CIT: variants seen among roughly 807,000 people sequenced by gnomAD.
The protein encoded by CIT is citron rho-interacting serine/threonine kinase.
Under a neutral mutation model 272.7 loss-of-function variants are expected in CIT, and 79 were observed. The ratio of observed to expected loss-of-function variants is 0.29; its 90% confidence interval spans 0.24 to 0.35. CIT has a LOEUF of 0.35. CIT is among the 10% of genes least tolerant of loss of function. The pLI, the probability that CIT is intolerant of heterozygous loss-of-function variation, is 1.00. For missense variants in CIT, 1,909 were observed against 2,618.3 expected, an observed-to-expected ratio of 0.73 and a Z score of 5.91; for synonymous variants, 948 against 995.6, an observed-to-expected ratio of 0.95 and a Z score of 0.90.
chr12:119,700,238 C>A (rs76005606), intron 44 of CIT, among the ~76,000 whole-genome samples: 3 of 152,218 alleles, frequency 2.0e-5, no homozygotes, highest in African/African-American at 7.2e-5. Context: ...GTGAATCTGG[C>A]GTAGGCAGCT....
chr12:119,865,833 G>A (rs892866091), intron 3 of CIT, among the ~76,000 whole-genome samples: 2 of 131,814 alleles, frequency 1.5e-5, no homozygotes, highest in Admixed American at 1.8e-4. Flanking sequence ...TTGTGCCACT[G>A]TACTCCAGCC....
At chr12:119,760,368 T>C (rs1470640727) in intron 20 of CIT, among the ~76,000 whole-genome samples, 1 of 151,524 alleles carries the variant, frequency 6.6e-6, no homozygotes, top group Non-Finnish European at 1.5e-5. Flanking sequence ...AGTGGTGGCC[T>C]GTAATCCCAG....
chr12:119,734,267 G>A lies in CIT; in HGVS notation c.3247C>T (p.Arg1083Trp), dbSNP rs770757019. ...ALNDELLEKE[R>W]QWEAWRSVLG... is the part of the protein sequence containing the mutation. ...ACGCTCCTCCAGGCCTCCCACTGCC[G>A]CTCTTTTTCTAGCAGCTCATCGTTT... Residue 1083 changes from arginine to tryptophan, a missense_variant, in exon 26 of 48, where the codon CGG (arginine) becomes TGG (tryptophan). Physicochemically the swap from Arg to Trp is moderately radical, Grantham distance 101. Coordinates refer to ENST00000392521, the MANE Select transcript of CIT (RefSeq NM_001206999.2). 2 of 1,613,622 alleles carry A rather than the reference G, an allele frequency of 1.2e-6. No individual in the cohort carries two copies. The highest frequency in any genetic ancestry group is 1.7e-6 in the Non-Finnish European group (2 of 1,179,960).
chr12:119,875,298 G>A (rs1950809792), intron 2 of CIT, among the ~76,000 whole-genome samples: 1 of 152,172 alleles, frequency 6.6e-6, no homozygotes, highest in African/African-American at 2.4e-5. Context: ...GCAAGACCCT[G>A]TCTTGCAAGC....
At chr12:119,747,400 A>AG in intron 23 of CIT, among the ~76,000 whole-genome samples, 1 of 147,036 alleles carries the variant, frequency 6.8e-6, no homozygotes, top group African/African-American at 2.5e-5. Context: ...CAGCCTGGGC[A>AG]ACAGAGGGAG....
intron 3 of CIT, among the ~76,000 whole-genome samples, chr12:119,859,437 G>A (rs1950267581): frequency 6.6e-6 from 1 of 152,142 alleles, no homozygotes; most frequent in South Asian, 2.1e-4. Flanking sequence ...CCATCAAAGG[G>A]AAAGCCATTT....
At chr12:119,873,840 A>G (rs963192190) in intron 2 of CIT, among the ~76,000 whole-genome samples, 1 of 152,132 alleles carries the variant, frequency 6.6e-6, no homozygotes, top group Non-Finnish European at 1.5e-5. Flanking sequence ...TATCCTACAT[A>G]ACTACCTTCC....
intron 22 of CIT, among the ~76,000 whole-genome samples, chr12:119,752,554 T>C (rs913530108): frequency 3.9e-5 from 6 of 152,222 alleles, no homozygotes; most frequent in African/African-American, 1.4e-4. Context: ...ATGAAAATGA[T>C]GATGATTACT....
At chr12:119,791,659 G>A (rs558987199) in intron 10 of CIT, among the ~76,000 whole-genome samples, 2 of 152,350 alleles carry the variant, frequency 1.3e-5, no homozygotes, top group South Asian at 4.1e-4. Context: ...AGCAGCGGGT[G>A]CACGCAGCCA....
rs752786306 is a variant in CIT at position 119,776,735 on chromosome 12, C to G, written c.1773G>C (p.Glu591Asp). 1 of 1,614,114 alleles carries G rather than the reference C, an allele frequency of 6.2e-7. No homozygotes were observed. ...TGAATTCTTCAGCAGCAAGCCGAGA[C>G]TCTCTCAGCTCAGATTCGTAGAGAT... Reference protein sequence around the residue: ...RSDLYESELRESRLAAEEFKR... With the variant: ...RSDLYESELRDSRLAAEEFKR... The change falls in exon 14 of 48, where the codon GAG (glutamate) becomes GAC (aspartate). Residue 591 changes from glutamate to aspartate, a missense_variant. By Grantham distance (45) the Glu-to-Asp change is conservative. Around this residue, in one of 8 missense-constraint regions of CIT, gnomAD observed 530 missense variants for 822.4 expected, o/e 0.64. Transcript: ENST00000392521.
At chr12:119,731,645 C>G (rs1418189044) in intron 26 of CIT, among the ~76,000 whole-genome samples, 3 of 149,706 alleles carry the variant, frequency 2.0e-5, no homozygotes, top group Non-Finnish European at 4.4e-5. Context: ...CTTATACAAT[C>G]TCCTCCACTG....
At chr12:119,792,691 T>C (rs1965405873) in intron 10 of CIT, among the ~76,000 whole-genome samples, 1 of 152,128 alleles carries the variant, frequency 6.6e-6, no homozygotes, top group Admixed American at 6.5e-5. Context: ...GCAAGGATGG[T>C]CTCGGTCTCC....
chr12:119,718,337 G>A lies in CIT; in HGVS notation c.4076C>T (p.Ser1359Phe), dbSNP rs1957645153. ...GTGCTCTGGCGACCGCACGATGGCGGACATGGCGATCTGCTGCCTCGCGGT... is the reference window on the plus strand; with the variant it reads ...GTGCTCTGGCGACCGCACGATGGCGAACATGGCGATCTGCTGCCTCGCGGT... ...PATARQQIAM[S>F]AIVRSPEHQP... Residue 1359 changes from serine to phenylalanine, a missense_variant, in exon 32 of 48, where the codon TCC (serine) becomes TTC (phenylalanine). Physicochemically the swap from Ser to Phe is radical, Grantham distance 155 (BLOSUM62 -2). This residue lies in a region of CIT where 780 missense variants were observed against 1,067.2 expected (regional missense o/e 0.73). Transcript: ENST00000392521. The surrounding 1 kb of genome is among the most constrained non-coding windows in gnomAD (Gnocchi z 4.8). The A allele has an allele frequency of 6.2e-7, 1 of 1,614,128 alleles. No homozygotes were observed. Among genetic ancestry groups the A allele is most frequent in the Non-Finnish European group, 8.5e-7 (1 of 1,180,012 alleles).
intron 8 of CIT, among the ~76,000 whole-genome samples, chr12:119,823,771 GGC>G (rs1967923508): frequency 6.6e-6 from 1 of 152,030 alleles, no homozygotes; most frequent in African/African-American, 2.4e-5. Flanking sequence ...TAGGCACAGT[GGC>G]TCATGCCTGT....
rs201139538 is a variant in CIT, at chr12:119,697,691, A to C, written c.5850T>G (p.Thr1950=). ...AGGTGGACGGGCCCCGGTGGTGTTCAGTGCCGGACTCCTTCACGAGGTTTC... is the reference window on the plus strand; with the variant it reads ...AGGTGGACGGGCCCCGGTGGTGTTCCGTGCCGGACTCCTTCACGAGGTTTC... The part of the protein sequence containing the change: ...CKGNLVKESG[T]EHHRGPSTSR... Residue 1950 remains threonine, a synonymous_variant, in exon 46 of 48, where the codon ACT becomes ACG. Coordinates refer to ENST00000392521, the MANE Select transcript of CIT (RefSeq NM_001206999.2). The surrounding 1 kb of genome is among the most constrained non-coding windows in gnomAD (Gnocchi z 4.9). 2.8e-5 allele frequency: 45 copies of C among 1,614,080 alleles called. No homozygotes were observed. In the Admixed American group the frequency reaches 5.0e-4, roughly 18 times the overall value.
At chr12:119,775,060 GTCAGGAGT>G (rs1346898348) in intron 16 of CIT, among the ~76,000 whole-genome samples, 2 of 152,092 alleles carry the variant, frequency 1.3e-5, no homozygotes, top group Non-Finnish European at 2.9e-5. Flanking sequence ...ATCACCTGAG[GTCAGGAGT>G]TCGAGACCAG....
chr12:119,726,784 A>G (rs1208514642), intron 28 of CIT, among the ~76,000 whole-genome samples: 1 of 152,188 alleles, frequency 6.6e-6, no homozygotes, highest in Non-Finnish European at 1.5e-5. Context: ...TCAGTGATTC[A>G]ACACACAGGG....
At chr12:119,699,936 G>C (rs1213934700) in intron 44 of CIT, 10 of 455,652 alleles carry the variant, frequency 2.2e-5, no homozygotes, top group African/African-American at 2.0e-4. Context: ...TGTGTGTTTA[G>C]TCTTTGATCC....
At chr12:119,818,126 T>C (rs1196760805) in intron 9 of CIT, among the ~76,000 whole-genome samples, 2 of 152,198 alleles carry the variant, frequency 1.3e-5, no homozygotes, top group Non-Finnish European at 2.9e-5. Flanking sequence ...AATCCCTTAT[T>C]CACTTGCCCT....
Sources: gnomAD v4.1 joint callset for allele counts (sites outside exome capture counted in the v4.1 genomes callset) on GRCh38, gnomAD v4.1.1 for gene constraint, gnomAD v4.1.1 regional missense constraint, Gnocchi (gnomAD v3.1) non-coding constraint, MANE v1.5 for transcripts, NCBI Gene and HGNC (gene_info 2026-07-23, HGNC 2026-07-21) for gene names.